The following MCF2L variants were observed in gnomAD, a reference collection of about 807,000 sequenced individuals.
The protein encoded by MCF2L is MCF.2 cell line derived transforming sequence like.
MCF2L carries 97 observed loss-of-function variants against 153.4 expected under a neutral mutation model. That is an observed-to-expected ratio of 0.63 (90% CI 0.54 to 0.75). The LOEUF (loss-of-function observed/expected upper bound fraction) is 0.75, where lower values mean the gene tolerates loss of function less well. MCF2L is among the 30% of genes least tolerant of loss of function. The pLI, the probability that MCF2L is intolerant of heterozygous loss-of-function variation, is 0.00. For missense variants in MCF2L, 1,347 were observed against 1,495.2 expected (o/e 0.90, Z 1.64); for synonymous variants, 659 against 632.2 (o/e 1.04, Z -0.64).
intron 3 of MCF2L, among the ~76,000 whole-genome samples, chr13:113,036,661 C>A (rs1359432134): frequency 6.6e-6 from 1 of 152,234 alleles, no homozygotes; most frequent in Non-Finnish European, 1.5e-5. Context: ...TCGCAGGCGA[C>A]CCTGTCCTCT....
At chr13:113,022,482 G>T (rs960963378) in intron 2 of MCF2L, among the ~76,000 whole-genome samples, 5 of 149,990 alleles carry the variant, frequency 3.3e-5, no homozygotes, top group African/African-American at 4.9e-5. Flanking sequence ...CCCAGCTGCC[G>T]TCGGCGTCAC....
chr13:113,049,671 C>T (rs989697796), intron 4 of MCF2L, among the ~76,000 whole-genome samples: 3 of 152,344 alleles, frequency 2.0e-5, no homozygotes, highest in African/African-American at 7.2e-5. Context: ...GCTGCCCGAC[C>T]CCACCAGGGT....
intron 15 of MCF2L, among the ~76,000 whole-genome samples, chr13:113,079,149 G>A (rs2033834837): frequency 6.6e-6 from 1 of 152,210 alleles, no homozygotes; most frequent in South Asian, 2.1e-4. Flanking sequence ...GTGGTGCCAG[G>A]CAGCTGGTGT....
In MCF2L at chr13:113,003,058, C is replaced by T. The variant is rs544611287; in HGVS notation, c.80-11705C>T. On this transcript the variant is annotated intron_variant, in intron 1 of 29. Coordinates refer to ENST00000535094, the MANE Select transcript of MCF2L (RefSeq NM_001112732.3). Reference sequence around the variant, plus strand: ...GGGTGTGGTGGCGTGTGCCTGTAGTCCCAGCCACCTGGGGGGCTGAGAGGG... The same window carrying T: ...GGGTGTGGTGGCGTGTGCCTGTAGTTCCAGCCACCTGGGGGGCTGAGAGGG... 3.2e-3 allele frequency among the ~76,000 whole-genome samples: 485 copies of T among 150,470 alleles called. 1 individual carries two copies. Among genetic ancestry groups the T allele is most frequent in the Non-Finnish European group, 4.1e-3 (281 of 67,768 alleles).
chr13:112,902,307 A>C, exon 2 of MCF2L: 2 of 1,612,926 alleles, frequency 1.2e-6, no homozygotes, highest in South Asian at 2.2e-5. Flanking sequence ...CGGATCACCA[A>C]ATTGATGTGT....
At chr13:113,085,336 C>T (rs2034528319) in intron 20 of MCF2L, among the ~76,000 whole-genome samples, 158 bp downstream of exon 20, 1 of 152,216 alleles carries the variant, frequency 6.6e-6, no homozygotes, top group African/African-American at 2.4e-5. Context: ...CGAGGTCCTA[C>T]TGTGCGCCAC....
chr13:113,099,436 A>C lies in MCF2L; in HGVS notation c.*2577A>C, dbSNP rs1351328788. The C allele has an allele frequency of 3.9e-5, 6 of 152,250 alleles. No homozygotes were observed. The highest frequency in any genetic ancestry group is 8.8e-5 in the Non-Finnish European group (6 of 68,054). 9.4% of individuals were successfully genotyped at this position (152,250 alleles called of 1,614,324 possible). A position where few individuals can be genotyped will look rare whatever the true frequency, so the allele number is the denominator to read the frequency against. On this transcript the variant is annotated 3_prime_UTR_variant, in exon 30 of 30. Coordinates refer to ENST00000535094, the MANE Select transcript of MCF2L (RefSeq NM_001112732.3). ...GGCAGTCTGCTCTCTAGAACTGGAC[A>C]GCGTGCACAGAGCCACGGGAGGGAG...
rs180895581 is a variant in MCF2L at position 113,084,864 on chromosome 13, G to A, written c.2062-28G>A. The A allele has an allele frequency of 1.6e-4, 254 of 1,569,426 alleles. 1 individual carries two copies. The Admixed American group carries it at 3.2e-3, about 20-fold the overall frequency. ...TGATGCGCTGCCCATCCCTCACTGCGTGATGCGGTGCCTGTCCCTCGGTGC... is the reference window on the plus strand; with the variant it reads ...TGATGCGCTGCCCATCCCTCACTGCATGATGCGGTGCCTGTCCCTCGGTGC... On this transcript the variant is annotated intron_variant, in intron 18 of 29. Coordinates refer to ENST00000535094, the MANE Select transcript of MCF2L (RefSeq NM_001112732.3).
At chr13:113,010,256 G>C (rs1064429) in intron 1 of MCF2L, 64,481 of 151,858 alleles carry the variant, frequency 0.42, 14,377 homozygotes, top group East Asian at 0.65. Flanking sequence ...CTCCCACCCC[G>C]CAACACCCCG....
rs1486552688 is a variant in MCF2L, at chr13:112,932,215, G to A, written c.169+29844G>A. On this transcript the variant is annotated intron_variant, in intron 2 of 29. Transcript: ENST00000375608. The surrounding 1 kb of genome is among the most constrained non-coding windows in gnomAD (Gnocchi z 4.6). ...CGATGGCGACCAGGCGTGTAGACTC[G>A]TGCCCTGGGTAAGGCGTGACCGGGA... Among the ~76,000 whole-genome samples, 2 of 149,374 alleles carry A rather than the reference G, an allele frequency of 1.3e-5. No homozygotes were observed. Among genetic ancestry groups the A allele is most frequent in the African/African-American group, 4.9e-5 (2 of 40,458 alleles).
At chr13:113,069,943 A>G (rs1241815636) in intron 8 of MCF2L, 116 bp from the exon 9 acceptor site, 4 of 638,226 alleles carry the variant, frequency 6.3e-6, no homozygotes, top group Non-Finnish European at 8.1e-6. Flanking sequence ...GGAGGCCAGG[A>G]TCTCAGGAAG....
chr13:112,895,640 G>A (rs1470649817), intron 1 of MCF2L, among the ~76,000 whole-genome samples: 1 of 152,140 alleles, frequency 6.6e-6, no homozygotes, highest in Non-Finnish European at 1.5e-5. Flanking sequence ...CTGGGGGGAC[G>A]GGACCCCGGG....
chr13:113,096,312 TG>T, intron 27 of MCF2L, 58 bp from the exon 28 acceptor site: 1 of 1,337,600 alleles, frequency 7.5e-7, no homozygotes, highest in Non-Finnish European at 1.0e-6. Context: ...CTGGCTGCTG[TG>T]GGGCTGCTGC....
intron 2 of MCF2L, among the ~76,000 whole-genome samples, chr13:112,918,952 G>T (rs76401004): frequency 2.6e-5 from 4 of 152,176 alleles, no homozygotes; most frequent in Admixed American, 1.3e-4. Context: ...GCGCTTCCCC[G>T]ACGCGCGCCC....
chr13:113,048,952 G>C (rs1201298141), intron 4 of MCF2L, among the ~76,000 whole-genome samples: 1 of 152,212 alleles, frequency 6.6e-6, no homozygotes, highest in South Asian at 2.1e-4. Flanking sequence ...TGGGGAGGGG[G>C]CAGAGTTAGG....
chr13:112,944,928 T>C (rs1036383940), intron 2 of MCF2L, among the ~76,000 whole-genome samples: 1 of 151,860 alleles, frequency 6.6e-6, no homozygotes, highest in Non-Finnish European at 1.5e-5. Flanking sequence ...GGTGTCCTAA[T>C]GGAAGCTTTG....
intron 24 of MCF2L, 78 bp downstream of exon 24, chr13:113,088,483 C>G (rs1439329473): frequency 2.5e-6 from 4 of 1,603,570 alleles, no homozygotes; most frequent in Non-Finnish European, 3.4e-6. Context: ...AGCAACCGCA[C>G]AGTCCCCCCA....
rs1365885764 is a variant in MCF2L, at chr13:112,960,928, G to A, written c.170-53835G>A. 6.6e-6 allele frequency among the ~76,000 whole-genome samples: 1 copy of A among 152,144 alleles called. No homozygotes were observed. Among genetic ancestry groups the A allele is most frequent in the African/African-American group, 2.4e-5 (1 of 41,444 alleles). On this transcript the variant is annotated intron_variant, in intron 2 of 29. Coordinates refer to the MCF2L transcript ENST00000375608. The surrounding 1 kb of genome is among the most constrained non-coding windows in gnomAD (Gnocchi z 4.2). ...GGTACGTGGGGGCCCAGGTTCTACC[G>A]TGAGTGACTGCAGGCCGTGCCGCAG... is the stretch of plus-strand genomic sequence containing the variant.
chr13:113,003,812 G>A (rs1490002185), intron 1 of MCF2L, among the ~76,000 whole-genome samples: 1 of 152,204 alleles, frequency 6.6e-6, no homozygotes. Context: ...CTCCTGCAGA[G>A]GCCTAGGGAC....
Sources: gnomAD v4.1 joint callset for allele counts (sites outside exome capture counted in the v4.1 genomes callset) on GRCh38, gnomAD v4.1.1 for gene constraint, Gnocchi (gnomAD v3.1) non-coding constraint, MANE v1.5 for transcripts, NCBI Gene and HGNC (gene_info 2026-07-23, HGNC 2026-07-21) for gene names.